ISM1: variants seen among roughly 807,000 people sequenced by gnomAD.
ISM1 encodes isthmin 1.
In ISM1, 25 loss-of-function variants were observed where a neutral mutation model predicts 46.3. That is an observed-to-expected ratio of 0.54 (90% CI 0.39 to 0.75). The LOEUF (loss-of-function observed/expected upper bound fraction) is 0.75, where lower values mean the gene tolerates loss of function less well. Among genes scored for constraint, ISM1 ranks in the 30% least tolerant of loss-of-function variants. The pLI is 0.00. For synonymous variants in ISM1, 255 were observed against 256.7 expected (o/e 0.99, Z 0.06); for missense variants, 536 against 625.4 (o/e 0.86, Z 1.52).
At chr20:13,318,192 C>G in the ISM1 span, among the ~76,000 whole-genome samples, 1 of 133,896 alleles carries the variant, frequency 7.5e-6, no homozygotes, top group Non-Finnish European at 1.6e-5. Flanking sequence ...ACAGACACTT[C>G]ACCAAAGAAG....
At chr20:13,324,998 G>C in the ISM1 span, among the ~76,000 whole-genome samples, 1 of 152,244 alleles carries the variant, frequency 6.6e-6, no homozygotes, top group African/African-American at 2.4e-5. Context: ...TTCTTATCCT[G>C]TTAGTGCAGC....
the ISM1 span, among the ~76,000 whole-genome samples, chr20:13,317,915 C>T: frequency 1.3e-3 from 15 of 11,750 alleles, no homozygotes; most frequent in Admixed American, 0.015. Flanking sequence ...ACCAAAGGCA[C>T]TATCCGTGGA....
the ISM1 span, among the ~76,000 whole-genome samples, chr20:13,316,421 AATT>A: frequency 6.6e-6 from 1 of 151,944 alleles, no homozygotes; most frequent in Non-Finnish European, 1.5e-5. Context: ...AAGTAGAGGG[AATT>A]ATTATTAACT....
At chr20:13,293,156 C>T (rs529490577) in intron 5 of ISM1, among the ~76,000 whole-genome samples, 4 of 150,292 alleles carry the variant, frequency 2.7e-5, no homozygotes, top group Admixed American at 2.0e-4. Context: ...GCTGAGATCG[C>T]GCCACTGCAC....
chr20:13,309,996 A>T, the ISM1 span, among the ~76,000 whole-genome samples: 21 of 152,330 alleles, frequency 1.4e-4, no homozygotes, highest in South Asian at 4.3e-3. Context: ...AATTTATATC[A>T]CAAAAATGTC....
intron 1 of ISM1, among the ~76,000 whole-genome samples, chr20:13,225,868 A>T (rs1600474696): frequency 6.6e-6 from 1 of 152,200 alleles, no homozygotes; most frequent in South Asian, 2.1e-4. Context: ...ATGATAAAAC[A>T]TACATAGATA....
At chr20:13,325,110 C>CACTTAGGT in the ISM1 span, among the ~76,000 whole-genome samples, 1 of 152,204 alleles carries the variant, frequency 6.6e-6, no homozygotes, top group African/African-American at 2.4e-5. Context: ...GAACAGAGAG[C>CACTTAGGT]CACTCGACCT....
chr20:13,256,942 G>A (rs1188130477), intron 1 of ISM1, among the ~76,000 whole-genome samples: 5 of 152,182 alleles, frequency 3.3e-5, no homozygotes, highest in Non-Finnish European at 7.3e-5. Flanking sequence ...TGTCACTAGG[G>A]AAGATAGGAG....
the ISM1 span, among the ~76,000 whole-genome samples, chr20:13,306,030 T>C: frequency 6.6e-6 from 1 of 152,180 alleles, no homozygotes; most frequent in Non-Finnish European, 1.5e-5. Flanking sequence ...CTATCTGTTC[T>C]GGGAGTAATA....
At chr20:13,253,871 ATATATATG>A (rs1338691490) in intron 1 of ISM1, among the ~76,000 whole-genome samples, 1 of 144,486 alleles carries the variant, frequency 6.9e-6, no homozygotes, top group East Asian at 2.1e-4. Context: ...CCATATATAT[ATATATATG>A]TGTGTGTGTA....
At chr20:13,260,682 G>T (rs1262573836) in intron 1 of ISM1, among the ~76,000 whole-genome samples, 1 of 151,728 alleles carries the variant, frequency 6.6e-6, no homozygotes, top group African/African-American at 2.4e-5. Flanking sequence ...GAGGAAGTCA[G>T]AGCTGAATAG....
At chr20:13,317,678 C>T in the ISM1 span, among the ~76,000 whole-genome samples, 1 of 152,078 alleles carries the variant, frequency 6.6e-6, no homozygotes, top group Non-Finnish European at 1.5e-5. Flanking sequence ...GGATGAAAGA[C>T]AACACAGTGG....
chr20:13,294,613 G>A (rs1158476322), intron 5 of ISM1, among the ~76,000 whole-genome samples: 1 of 152,082 alleles, frequency 6.6e-6, no homozygotes, highest in Non-Finnish European at 1.5e-5. Flanking sequence ...GAAAGAACAT[G>A]GCACACTCAA....
At chr20:13,320,386 C>G in the ISM1 span, among the ~76,000 whole-genome samples, 1 of 152,192 alleles carries the variant, frequency 6.6e-6, no homozygotes, top group Non-Finnish European at 1.5e-5. Context: ...TGCTTGCAAA[C>G]CAAAGGACAG....
intron 5 of ISM1, 81 bp from the exon 6 acceptor site, chr20:13,298,861 C>CT (rs1363332976): frequency 1.4e-6 from 2 of 1,435,636 alleles, no homozygotes; most frequent in East Asian, 4.7e-5. Context: ...CAGGAGCAGC[C>CT]TGGTGTCACA....
chr20:13,313,693 C>A, the ISM1 span, among the ~76,000 whole-genome samples: 1 of 152,176 alleles, frequency 6.6e-6, no homozygotes, highest in Non-Finnish European at 1.5e-5. Context: ...TTAAACAGCT[C>A]CTTTTACCAA....
At chr20:13,280,048 C>T (rs1384520586) in intron 3 of ISM1, 150 bp downstream of exon 3, 3 of 698,908 alleles carry the variant, frequency 4.3e-6, no homozygotes, top group Non-Finnish European at 7.0e-6. Flanking sequence ...CCGCAGAAGC[C>T]CAAAGGAGGC....
At chr20:13,322,971 A>G in the ISM1 span, among the ~76,000 whole-genome samples, 2 of 152,180 alleles carry the variant, frequency 1.3e-5, no homozygotes, top group Non-Finnish European at 2.9e-5. Context: ...GGATTACTGT[A>G]GGAAGAGACA....
At chr20:13,254,002 G>A (rs1334680939) in intron 1 of ISM1, among the ~76,000 whole-genome samples, 1 of 148,696 alleles carries the variant, frequency 6.7e-6, no homozygotes, top group African/African-American at 2.5e-5. Context: ...CGGATCACTT[G>A]AGGTCAGGAG....
Sources: gnomAD v4.1 joint callset for allele counts (sites outside exome capture counted in the v4.1 genomes callset) on GRCh38, gnomAD v4.1.1 for gene constraint, MANE v1.5 for transcripts, NCBI Gene and HGNC (gene_info 2026-07-23, HGNC 2026-07-21) for gene names.